Variants in NLE1 observed in about 807,000 individuals in gnomAD.
NLE1 encodes notchless protein homolog 1.
A neutral mutation model predicts 62.8 loss-of-function variants in NLE1; 37 were observed. The ratio of observed to expected loss-of-function variants is 0.59; its 90% CI spans 0.45 to 0.78. The LOEUF (loss-of-function observed/expected upper bound fraction) is 0.78. NLE1 is among the 30% of genes least tolerant of loss of function. The pLI, the probability that NLE1 is intolerant of heterozygous loss-of-function variation, is 0.00. For missense variants in NLE1, 555 were observed against 637.9 expected (o/e 0.87, Z 1.40); for synonymous variants, 243 against 253.0 (o/e 0.96, Z 0.37).
intron 3 of NLE1, 139 bp downstream of exon 3, chr17:35,139,710 T>G: frequency 8.0e-7 from 1 of 1,245,972 alleles, no homozygotes; most frequent in African/African-American, 1.5e-5. Context: ...AGTCCCTTAA[T>G]TGCAAGCTGA....
At chr17:35,135,203 C>A in intron 10 of NLE1, 46 bp downstream of exon 10, 1 of 1,570,140 alleles carries the variant, frequency 6.4e-7, no homozygotes, top group South Asian at 1.1e-5. Context: ...CCAAGCCCCT[C>A]CCACCATTCA....
chr17:35,129,517 G>A lies in NLE1; in HGVS notation c.*2920C>T, dbSNP rs959096329. On this transcript the variant is annotated 3_prime_UTR_variant, in exon 13 of 13. Transcript: ENST00000442241. ...AGACACAGGAGAATGAGTTGCCCGA[G>A]GCAAAGAATCGTCCATGGATCTTCA... The A allele has an allele frequency of 6.2e-7, 1 of 1,614,196 alleles. No homozygotes were observed.
chr17:35,129,300 C>G lies in NLE1; in HGVS notation c.*3137G>C. On this transcript the variant is annotated 3_prime_UTR_variant, in exon 13 of 13. Transcript: ENST00000442241. ...CAGTACCTTGCACCTTCCATCTGAC[C>G]TGCCTGGGCCCCAGCAGGAGCAGGG... 7.6e-7 allele frequency: 1 copy of G among 1,314,382 alleles called. No homozygotes were observed. The highest frequency in any genetic ancestry group is 1.1e-6 in the Non-Finnish European group (1 of 949,740). 81.4% of individuals were successfully genotyped at this position (1,314,382 alleles called of 1,614,324 possible).
chr17:35,140,726 G>A (rs1452373108), intron 2 of NLE1, among the ~76,000 whole-genome samples: 1 of 152,092 alleles, frequency 6.6e-6, no homozygotes, highest in African/African-American at 2.4e-5. Flanking sequence ...GAGGAGCTGG[G>A]ACTACAGGCG....
chr17:35,130,028 TGGGTATGGGGTAG>T lies in NLE1; in HGVS notation c.*2396_*2408del, dbSNP rs1215617742. The T allele has an allele frequency of 5.1e-4, 709 of 1,388,318 alleles. No homozygotes were observed. The highest frequency in any genetic ancestry group is 6.2e-4 in the Non-Finnish European group (664 of 1,074,154). 86.0% of individuals were successfully genotyped at this position (1,388,318 alleles called of 1,614,324 possible). Reference sequence around the variant, plus strand: ...AAGGGGGACGAAGAAGGGAACAGCCTGGGTATGGGGTAGGGGTATGGGGGTATAGAGGCCTGAG... The same window carrying T: ...AAGGGGGACGAAGAAGGGAACAGCCTGGGTATGGGGGTATAGAGGCCTGAG... On this transcript the variant is annotated 3_prime_UTR_variant, in exon 13 of 13. Coordinates refer to ENST00000442241, the MANE Select transcript of NLE1 (RefSeq NM_018096.5).
intron 10 of NLE1, among the ~76,000 whole-genome samples, chr17:35,134,543 G>A (rs755261259): frequency 5.9e-5 from 9 of 152,078 alleles, no homozygotes; most frequent in Admixed American, 2.0e-4. Flanking sequence ...GGGATTATAG[G>A]CACGTGCCAC....
In NLE1 at chr17:35,130,380, CG is replaced by C. The variant is rs1285260087; in HGVS notation, c.*2056del. On this transcript the variant is annotated 3_prime_UTR_variant, in exon 13 of 13. Transcript: ENST00000442241. ...AACCCCGGCAAAAGATCGTGTCCAT[CG>C]GGCCGGAGGAGATGCGGAGGCTGGA... 1 of 1,613,974 alleles carries C rather than the reference CG, an allele frequency of 6.2e-7. No homozygotes were observed. The highest frequency in any genetic ancestry group is 8.5e-7 in the Non-Finnish European group (1 of 1,180,008).
At position 35,128,788 on chromosome 17, in the gene NLE1, A is replaced by C. The variant is rs140964023; in HGVS notation, c.*3649T>G. On this transcript the variant is annotated 3_prime_UTR_variant, in exon 13 of 13. Transcript: ENST00000442241. ...TGTACTTTATTTCTATTATTATTACATTGTAATATATAATGAAATAATTAT... is the reference window on the plus strand; with the variant it reads ...TGTACTTTATTTCTATTATTATTACCTTGTAATATATAATGAAATAATTAT... 61 of 159,254 alleles carry C rather than the reference A, an allele frequency of 3.8e-4. No individual in the cohort carries two copies. The highest frequency in any genetic ancestry group is 5.9e-4 in the South Asian group (3 of 5,094). The allele number at this position is 159,254 out of a possible 1,614,324, so 9.9% of individuals were successfully genotyped here. A position where few individuals can be genotyped will look rare whatever the true frequency, so the allele number is the denominator to read the frequency against.
In NLE1 at chr17:35,129,690, TGGAGA is replaced by T; in HGVS notation, c.*2742_*2746del. Reference sequence around the variant, plus strand: ...CCTGGGAAAAGAGGGGCCTTGGGGGTGGAGAGAAGTCCAAAGCCAGGGAACCAGGG... The same window carrying T: ...CCTGGGAAAAGAGGGGCCTTGGGGGTGAAGTCCAAAGCCAGGGAACCAGGG... On this transcript the variant is annotated 3_prime_UTR_variant, in exon 13 of 13. Coordinates refer to ENST00000442241, the MANE Select transcript of NLE1 (RefSeq NM_018096.5). The T allele has an allele frequency of 6.2e-7, 1 of 1,602,382 alleles. No homozygotes were observed. Among genetic ancestry groups the T allele is most frequent in the South Asian group, 1.1e-5 (1 of 89,800 alleles).
rs750622377 is a variant in NLE1 at position 35,140,048 on chromosome 17, C to T, written c.181G>A (p.Ala61Thr). Reference sequence around the variant, plus strand: ...ATCTCAGCATCGTGGACAAAGAAAGCCAGTGGCAGGGGATCCTCCTGAAGG... The same window carrying T: ...ATCTCAGCATCGTGGACAAAGAAAGTCAGTGGCAGGGGATCCTCCTGAAGG... Reference protein sequence around the residue: ...LLAQEDPLPLAFFVHDAEIVS... With the variant: ...LLAQEDPLPLTFFVHDAEIVS... The change falls in exon 3 of 13, where the codon GCT (alanine) becomes ACT (threonine). Residue 61 changes from alanine (A) to threonine (T), a missense_variant. Transcript: ENST00000442241. 6 of 1,613,342 alleles carry T rather than the reference C, an allele frequency of 3.7e-6. No homozygotes were observed. The East Asian group carries it at 1.3e-4, about 36-fold the overall frequency.
In NLE1 at chr17:35,136,994, C is replaced by A; in HGVS notation, c.828+7G>T. 1 of 1,588,986 alleles carries A rather than the reference C, an allele frequency of 6.3e-7. No individual in the cohort carries two copies. Among genetic ancestry groups the A allele is most frequent in the Non-Finnish European group, 8.6e-7 (1 of 1,161,526 alleles). The stretch of plus-strand genomic sequence containing the variant: ...TGGACTGGTTTCTGAACCCTCCCAG[C>A]ACTTACGTCATGAGCTCTCCAGACT... On this transcript the variant is annotated splice_region_variant and intron_variant, in intron 7 of 12. Coordinates refer to ENST00000442241, the MANE Select transcript of NLE1 (RefSeq NM_018096.5).
At chr17:35,136,894 A>C in intron 7 of NLE1, 107 bp downstream of exon 7, 1 of 1,073,850 alleles carries the variant, frequency 9.3e-7, no homozygotes, top group South Asian at 1.5e-5. Context: ...GGCTCCCAGC[A>C]CACATCTGGG....
At chr17:35,135,892 T>C (rs1162283174) in intron 9 of NLE1, among the ~76,000 whole-genome samples, 1 of 152,170 alleles carries the variant, frequency 6.6e-6, no homozygotes, top group Non-Finnish European at 1.5e-5. Flanking sequence ...TTTTTGAACG[T>C]GAATGTGTGA....
rs112525863 is a variant in NLE1, at chr17:35,139,387, T to C, written c.381-73A>G. ...CACCTATTCAATCACTTTCTGTGAATAGAATATGGAACTGGACTCTTTCCT... is the reference window on the plus strand; with the variant it reads ...CACCTATTCAATCACTTTCTGTGAACAGAATATGGAACTGGACTCTTTCCT... On this transcript the variant is annotated intron_variant, in intron 3 of 12. Coordinates refer to ENST00000442241, the MANE Select transcript of NLE1 (RefSeq NM_018096.5). 1.2e-3 allele frequency: 1,453 copies of C among 1,240,110 alleles called. 8 individuals carry two copies. The African/African-American group carries it at 0.014, about 12-fold the overall frequency. The allele number at this position is 1,240,110 out of a possible 1,614,324, so 76.8% of individuals were successfully genotyped here. A position where few individuals can be genotyped will look rare whatever the true frequency, so the allele number is the denominator to read the frequency against.
At chr17:35,137,676 A>G (rs2142506705) in intron 5 of NLE1, 36 bp from the exon 6 acceptor site, 2 of 1,571,518 alleles carry the variant, frequency 1.3e-6, no homozygotes, top group Middle Eastern at 1.7e-4. Context: ...ATCCTCCCCA[A>G]CAGGTCTCTG....
chr17:35,141,411 T>G (rs2091942766), intron 2 of NLE1, among the ~76,000 whole-genome samples: 1 of 151,982 alleles, frequency 6.6e-6, no homozygotes, highest in Admixed American at 6.5e-5. Context: ...CTGGGTGTGG[T>G]GGCGCGCGCC....
rs2091860553 is a variant in NLE1 at position 35,128,995 on chromosome 17, TA to T, written c.*3441del. On this transcript the variant is annotated 3_prime_UTR_variant, in exon 13 of 13. Transcript: ENST00000442241. ...TAGGGTTCACGTGCCTATGGGAATC[TA>T]ATGCCTCTGCTGATCTGACAGGAGG... 5.6e-6 allele frequency: 1 copy of T among 179,352 alleles called. No homozygotes were observed. Among genetic ancestry groups the T allele is most frequent in the South Asian group, 1.3e-4 (1 of 7,560 alleles). The allele number at this position is 179,352 out of a possible 1,614,324, so 11.1% of individuals were successfully genotyped here.
Position 35,137,189 on chromosome 17 carries a change from G to A in NLE1, c.640C>T (p.Pro214Ser). Residue 214 changes from proline to serine, a missense_variant, in exon 7 of 13, where the codon CCT (proline) becomes TCT (serine). Pro to Ser is a moderately conservative substitution (Grantham distance 74). Coordinates refer to ENST00000442241, the MANE Select transcript of NLE1 (RefSeq NM_018096.5). Reference sequence around the variant, plus strand: ...CTGCTGGCCACATAGCGGCACTCAGGGTTCCTGGAGAGAAGGGAGATGTGA... The same window carrying A: ...CTGCTGGCCACATAGCGGCACTCAGAGTTCCTGGAGAGAAGGGAGATGTGA... ...GLSWEPLHAN[P>S]ECRYVASSSK... is the part of the protein sequence containing the mutation. The A allele has an allele frequency of 6.2e-7, 1 of 1,604,400 alleles. No homozygotes were observed. Among genetic ancestry groups the A allele is most frequent in the Non-Finnish European group, 8.5e-7 (1 of 1,172,650 alleles).
Position 35,129,449 on chromosome 17 carries a change from C to T in NLE1, c.*2988G>A, listed in dbSNP as rs2091863007. ...TTCCTGGACCTACGCCTTGGGCAAGCAGCCGGTCAGTTTCTACCAGCTCCT... is the reference window on the plus strand; with the variant it reads ...TTCCTGGACCTACGCCTTGGGCAAGTAGCCGGTCAGTTTCTACCAGCTCCT... On this transcript the variant is annotated 3_prime_UTR_variant, in exon 13 of 13. Transcript: ENST00000442241. 6.2e-7 allele frequency: 1 copy of T among 1,614,076 alleles called. No homozygotes were observed. Among genetic ancestry groups the T allele is most frequent in the Admixed American group, 1.7e-5 (1 of 60,020 alleles).
Sources: allele counts gnomAD v4.1 joint callset (sites outside exome capture counted in the v4.1 genomes callset), GRCh38; gene constraint gnomAD v4.1.1; transcripts MANE v1.5; gene names NCBI Gene and HGNC (gene_info 2026-07-23, HGNC 2026-07-21).